CSMD1: variants seen among roughly 807,000 people sequenced by gnomAD.
The protein encoded by CSMD1 is CUB and sushi domain-containing protein 1.
CSMD1 carries 213 observed loss-of-function variants against 417.5 expected under a neutral mutation model. The observed-to-expected ratio is 0.51, with a 90% confidence interval of 0.46 to 0.57. The LOEUF is 0.57. Among genes scored for constraint, CSMD1 ranks in the 20% least tolerant of loss-of-function variants. CSMD1 has a pLI of 0.00. For synonymous variants in CSMD1, 2,862 were observed against 1,736.8 expected, an observed-to-expected ratio of 1.65 and a Z score of -16.11; for missense variants, 6,923 against 4,529.7, an observed-to-expected ratio of 1.53 and a Z score of -15.17.
At chr8:4,253,902 TC>T (rs1803257459) in intron 3 of CSMD1, among the ~76,000 whole-genome samples, 1 of 139,764 alleles carries the variant, frequency 7.2e-6, no homozygotes, top group South Asian at 2.4e-4. Context: ...GTTATTTCCT[TC>T]CATCTTTTTT....
At chr8:3,414,989 G>A (rs933635752) in intron 12 of CSMD1, among the ~76,000 whole-genome samples, 1 of 152,168 alleles carries the variant, frequency 6.6e-6, no homozygotes, top group African/African-American at 2.4e-5. Flanking sequence ...AGCCCTGGCA[G>A]GGTCTATCTT....
At chr8:4,589,230 T>A (rs73659107) in intron 2 of CSMD1, among the ~76,000 whole-genome samples, 2,490 of 152,322 alleles carry the variant, frequency 0.016, 78 homozygotes, top group African/African-American at 0.057. Context: ...TACATTTTTC[T>A]ATATTGGAAA....
chr8:3,922,320 G>A (rs1809334087), intron 5 of CSMD1, among the ~76,000 whole-genome samples: 1 of 151,642 alleles, frequency 6.6e-6, no homozygotes, highest in Admixed American at 6.6e-5. Flanking sequence ...TCTTATTTAT[G>A]TCAATTCAGT....
intron 25 of CSMD1, among the ~76,000 whole-genome samples, chr8:3,302,784 C>T (rs923891395): frequency 3.3e-5 from 5 of 152,306 alleles, no homozygotes; most frequent in African/African-American, 1.2e-4. Context: ...CACTTTCTCA[C>T]AGTTTATGTA....
rs1424206164 is a variant in CSMD1 at position 4,360,451 on chromosome 8, C to A, written c.415+59502G>T. The stretch of plus-strand genomic sequence containing the variant: ...AACTGTGTTTTAAGTCATAGAAGAG[C>A]CCGTTATCATAACCTCTTTTTTCTT... On this transcript the variant is annotated intron_variant, in intron 3 of 69. Transcript: ENST00000635120. Among the ~76,000 whole-genome samples the A allele has an allele frequency of 3.9e-5, 6 of 152,106 alleles. No homozygotes were observed. In the East Asian group the frequency reaches 9.7e-4, roughly 24 times the overall value.
chr8:4,403,256 G>T (rs1426602392), intron 3 of CSMD1, among the ~76,000 whole-genome samples: 1 of 152,082 alleles, frequency 6.6e-6, no homozygotes, highest in African/African-American at 2.4e-5. Context: ...TACGTTAAAG[G>T]CAAAACAGTC....
chr8:4,773,975 C>T (rs919478141), intron 1 of CSMD1, among the ~76,000 whole-genome samples: 2 of 152,104 alleles, frequency 1.3e-5, no homozygotes, highest in South Asian at 4.1e-4. Context: ...GTGGGTGGAT[C>T]GCCTCAGGTC....
intron 26 of CSMD1, among the ~76,000 whole-genome samples, chr8:3,257,093 G>A (rs1035789403): frequency 1.3e-5 from 2 of 152,126 alleles, no homozygotes; most frequent in African/African-American, 2.4e-5. Context: ...AGGCCAAGGT[G>A]GGTGGATCAC....
At chr8:3,703,996 G>C (rs182858004) in intron 7 of CSMD1, among the ~76,000 whole-genome samples, 1 of 152,104 alleles carries the variant, frequency 6.6e-6, no homozygotes, top group Non-Finnish European at 1.5e-5. Context: ...ACATGAACCC[G>C]GGAGGTAGAG....
At chr8:4,486,091 T>C (rs968429791) in intron 2 of CSMD1, among the ~76,000 whole-genome samples, 1 of 147,428 alleles carries the variant, frequency 6.8e-6, no homozygotes, top group African/African-American at 2.5e-5. Context: ...TTCTCTTTCA[T>C]CATACATATA....
At chr8:3,350,029 G>A (rs28874944) in intron 21 of CSMD1, among the ~76,000 whole-genome samples, 1 of 140,322 alleles carries the variant, frequency 7.1e-6, no homozygotes, top group Non-Finnish European at 1.5e-5. Context: ...GTGTATGTGT[G>A]TGTTATAATA....
intron 7 of CSMD1, among the ~76,000 whole-genome samples, chr8:3,656,174 G>C (rs908387136): frequency 6.6e-6 from 1 of 152,194 alleles, no homozygotes; most frequent in Non-Finnish European, 1.5e-5. Flanking sequence ...TACAGCTCAA[G>C]TGAGAATGTT....
intron 51 of CSMD1, among the ~76,000 whole-genome samples, chr8:3,026,516 C>T (rs1196424710): frequency 9.2e-5 from 14 of 151,632 alleles, no homozygotes; most frequent in Admixed American, 8.5e-4. Flanking sequence ...CTCACTGGAC[C>T]TCACTCAGCC....
chr8:4,971,519 T>G (rs1458055963), intron 1 of CSMD1, among the ~76,000 whole-genome samples: 1 of 151,988 alleles, frequency 6.6e-6, no homozygotes, highest in African/African-American at 2.4e-5. Flanking sequence ...GATGAAGAAT[T>G]TATTTTTATC....
chr8:3,656,697 G>A (rs1798127913), intron 7 of CSMD1, among the ~76,000 whole-genome samples: 1 of 152,182 alleles, frequency 6.6e-6, no homozygotes, highest in African/African-American at 2.4e-5. Context: ...GGAGGCTGAG[G>A]CAGGCAGATC....
chr8:4,958,482 T>C (rs190518163), intron 1 of CSMD1, among the ~76,000 whole-genome samples: 33 of 152,292 alleles, frequency 2.2e-4, no homozygotes, highest in South Asian at 6.2e-4. Context: ...ATTGAAGATA[T>C]TGAGGCTTAC....
rs1188246274 is a variant in CSMD1 at position 3,792,502 on chromosome 8, C to T, written c.819-38460G>A. Among the ~76,000 whole-genome samples, 6 of 152,214 alleles carry T rather than the reference C, an allele frequency of 3.9e-5. No homozygotes were observed. The South Asian group carries it at 1.2e-3, about 32-fold the overall frequency. ...TAAATGCCAAAGCGTTTTTGCAACT[C>T]GCTGATTACTGTCAATTATCTCACA... On this transcript the variant is annotated intron_variant, in intron 5 of 69. Transcript: ENST00000635120.
intron 12 of CSMD1, among the ~76,000 whole-genome samples, chr8:3,442,821 A>G (rs1815075616): frequency 1.3e-5 from 2 of 151,656 alleles, no homozygotes; most frequent in Admixed American, 1.3e-4. Flanking sequence ...GAGAGATATT[A>G]GTACATAGAT....
At chr8:4,821,928 T>A (rs937423923) in intron 1 of CSMD1, among the ~76,000 whole-genome samples, 2 of 152,060 alleles carry the variant, frequency 1.3e-5, no homozygotes, top group African/African-American at 4.8e-5. Context: ...CTGCTTCAGG[T>A]ATTTTTAAAT....
Sources: allele counts gnomAD v4.1 joint callset (sites outside exome capture counted in the v4.1 genomes callset), GRCh38; gene constraint gnomAD v4.1.1; transcripts MANE v1.5; gene names NCBI Gene and HGNC (gene_info 2026-07-23, HGNC 2026-07-21).